STPG2: variants seen among roughly 807,000 people sequenced by gnomAD.
The protein encoded by STPG2 is sperm tail PG-rich repeat containing 2.
Under a neutral mutation model 54.2 loss-of-function variants are expected in STPG2, and 56 were observed. That is an observed-to-expected ratio of 1.03 (90% confidence interval 0.83 to 1.29). The LOEUF is 1.29. Ranked by LOEUF, STPG2 falls within the 50% of genes most tolerant of loss-of-function variation. The pLI, the probability that STPG2 is intolerant of heterozygous loss-of-function variation, is 0.00. For synonymous variants in STPG2, 200 were observed against 181.8 expected (o/e 1.10, Z -0.81); for missense variants, 596 against 544.9 (o/e 1.09, Z -0.93).
At chr4:97,536,529 T>A (rs1474674142) in intron 4 of STPG2, among the ~76,000 whole-genome samples, 1 of 152,162 alleles carries the variant, frequency 6.6e-6, no homozygotes, top group Non-Finnish European at 1.5e-5. Context: ...ACTGAGTCAA[T>A]TAAACCTATT....
At chr4:97,590,638 G>GACACACACAC (rs5860506) in intron 10 of STPG2, among the ~76,000 whole-genome samples, 2,685 of 138,540 alleles carry the variant, frequency 0.019, 66 homozygotes, top group Admixed American at 0.076. Context: ...CAGACACACA[G>GACACACACAC]ACACACACAC....
intron 9 of STPG2, among the ~76,000 whole-genome samples, chr4:97,795,793 T>A (rs543176693): frequency 2.6e-5 from 4 of 152,274 alleles, no homozygotes; most frequent in Admixed American, 2.6e-4. Flanking sequence ...CCACAATGGG[T>A]GAACTAGTTT....
At chr4:97,645,328 C>T (rs552243179) in intron 10 of STPG2, among the ~76,000 whole-genome samples, 9 of 150,684 alleles carry the variant, frequency 6.0e-5, no homozygotes, top group Non-Finnish European at 1.0e-4. Flanking sequence ...AAGAATTCAG[C>T]AGTACAGCAA....
intron 10 of STPG2, among the ~76,000 whole-genome samples, chr4:97,658,389 G>A (rs1722277465): frequency 6.6e-6 from 1 of 152,194 alleles, no homozygotes; most frequent in Non-Finnish European, 1.5e-5. Context: ...GATAATTTAT[G>A]CTTTTGACAA....
At chr4:97,706,525 T>G (rs976274111) in intron 10 of STPG2, among the ~76,000 whole-genome samples, 4 of 152,154 alleles carry the variant, frequency 2.6e-5, no homozygotes, top group African/African-American at 9.7e-5. Flanking sequence ...TTTCCAGTGT[T>G]CAGAGCTATG....
Position 98,114,233 on chromosome 4 carries a change from G to A in STPG2, c.388-4928C>T, listed in dbSNP as rs181825254. 5.2e-4 allele frequency among the ~76,000 whole-genome samples: 79 copies of A among 152,166 alleles called. No individual in the cohort carries two copies. In the East Asian group the frequency reaches 0.014, roughly 28 times the overall value. On this transcript the variant is annotated intron_variant, in intron 3 of 10. Transcript: ENST00000295268. ...GATTTTAAAGTACATAGGCAGTTTTGATGGCAGAAAGAATGAAATTTCCCA... is the reference window on the plus strand; with the variant it reads ...GATTTTAAAGTACATAGGCAGTTTTAATGGCAGAAAGAATGAAATTTCCCA...
At chr4:98,088,404 T>G (rs1291575467) in intron 5 of STPG2, among the ~76,000 whole-genome samples, 1 of 152,144 alleles carries the variant, frequency 6.6e-6, no homozygotes, top group Non-Finnish European at 1.5e-5. Context: ...TTGTTTCCTG[T>G]ATGTGATGTA....
chr4:97,451,995 G>T (rs1380398328), intron 4 of STPG2, among the ~76,000 whole-genome samples: 2 of 151,942 alleles, frequency 1.3e-5, no homozygotes, highest in African/African-American at 4.8e-5. Context: ...AGGATCTGGG[G>T]ACAAGCAGGA....
intron 5 of STPG2, among the ~76,000 whole-genome samples, chr4:98,039,716 C>T (rs1251938293): frequency 3.3e-5 from 4 of 121,322 alleles, no homozygotes; most frequent in Non-Finnish European, 7.3e-5. Flanking sequence ...TTTTCTTTAT[C>T]CAGTCATCCA....
chr4:98,018,179 C>A (rs912706626), intron 5 of STPG2, among the ~76,000 whole-genome samples: 1 of 152,056 alleles, frequency 6.6e-6, no homozygotes, highest in African/African-American at 2.4e-5. Context: ...ATCCCCACCC[C>A]ACAACAGTCC....
intron 4 of STPG2, among the ~76,000 whole-genome samples, chr4:97,504,470 A>C (rs1170821992): frequency 6.6e-6 from 1 of 151,894 alleles, no homozygotes; most frequent in Non-Finnish European, 1.5e-5. Context: ...TTGGAAAATG[A>C]GAAAAATTTA....
At chr4:97,631,814 T>G (rs1159893441) in intron 10 of STPG2, among the ~76,000 whole-genome samples, 1 of 152,112 alleles carries the variant, frequency 6.6e-6, no homozygotes, top group African/African-American at 2.4e-5. Flanking sequence ...CATTAACCTG[T>G]GACATTTTTG....
intron 9 of STPG2, among the ~76,000 whole-genome samples, chr4:97,795,269 C>T (rs1727128880): frequency 1.3e-5 from 2 of 152,132 alleles, no homozygotes; most frequent in Admixed American, 1.3e-4. Flanking sequence ...CATATGTATA[C>T]ATGTGCCATG....
chr4:98,097,297 T>C (rs936971117), intron 5 of STPG2, among the ~76,000 whole-genome samples: 17 of 152,194 alleles, frequency 1.1e-4, no homozygotes, highest in African/African-American at 4.1e-4. Context: ...GTGGGATTTA[T>C]CCTAGGGATG....
chr4:98,042,534 A>G (rs751349145), intron 5 of STPG2, among the ~76,000 whole-genome samples: 1 of 151,628 alleles, frequency 6.6e-6, no homozygotes, highest in African/African-American at 2.4e-5. Flanking sequence ...ATTTTTATTC[A>G]TTTCAAAAAA....
intron 10 of STPG2, among the ~76,000 whole-genome samples, chr4:97,571,770 C>G (rs1027720896): frequency 6.6e-6 from 1 of 152,160 alleles, no homozygotes; most frequent in African/African-American, 2.4e-5. Flanking sequence ...GACACAAGTT[C>G]TCAGGACCTC....
chr4:97,978,634 C>T (rs1560619982), intron 6 of STPG2, among the ~76,000 whole-genome samples: 1 of 151,808 alleles, frequency 6.6e-6, no homozygotes, highest in Non-Finnish European at 1.5e-5. Flanking sequence ...TATGACAATC[C>T]CACACATGTG....
intron 4 of STPG2, among the ~76,000 whole-genome samples, chr4:97,470,533 T>G (rs1729897963): frequency 6.6e-6 from 1 of 152,156 alleles, no homozygotes; most frequent in Non-Finnish European, 1.5e-5. Context: ...TCTGAAATCA[T>G]GGATGATACC....
intron 9 of STPG2, among the ~76,000 whole-genome samples, chr4:97,783,043 T>C (rs1027070212): frequency 2.0e-5 from 3 of 152,012 alleles, no homozygotes; most frequent in Admixed American, 1.3e-4. Context: ...GTCTAAAACA[T>C]CAAAAGCAAT....
Sources: allele counts gnomAD v4.1 joint callset (sites outside exome capture counted in the v4.1 genomes callset), GRCh38; gene constraint gnomAD v4.1.1; transcripts MANE v1.5; gene names NCBI Gene and HGNC (gene_info 2026-07-23, HGNC 2026-07-21).